The following PCDHGA2 variants were observed in gnomAD, a reference collection of about 807,000 sequenced individuals.
PCDHGA2 encodes protocadherin gamma-A2.
A neutral mutation model predicts 59.2 loss-of-function variants in PCDHGA2; 40 were observed. The observed-to-expected ratio is 0.68, with a 90% CI of 0.52 to 0.88. The LOEUF (loss-of-function observed/expected upper bound fraction) is 0.88. Among genes scored for constraint, PCDHGA2 ranks in the 40% least tolerant of loss-of-function variants. The pLI is 0.00. For synonymous variants in PCDHGA2, 560 were observed against 526.0 expected, an observed-to-expected ratio of 1.06 and a Z score of -0.89; for missense variants, 1,226 against 1,204.0, an observed-to-expected ratio of 1.02 and a Z score of -0.27.
intron 1 of PCDHGA2, chr5:141,390,281 G>A (rs995951705): frequency 1.9e-6 from 3 of 1,613,968 alleles, no homozygotes; most frequent in Middle Eastern, 1.6e-4. Context: ...CTTCCCATCA[G>A]GTGAGTTTCC....
In PCDHGA2 at chr5:141,490,506, C is replaced by T. The variant is rs967095367; in HGVS notation, c.2425-4301C>T. ...GGGAGGCCACATCCCACTATATCAT[C>T]GAGCTGCTGGCCAGCGATGCTGGTT... is the stretch of plus-strand genomic sequence containing the variant. On this transcript the variant is annotated intron_variant, in intron 1 of 3. Transcript: ENST00000394576. This position sits in a 1 kb window ranked among gnomAD's most constrained non-coding sequence, Gnocchi z 5.4. The T allele has an allele frequency of 1.2e-5, 19 of 1,614,116 alleles. No homozygotes were observed. The highest frequency in any genetic ancestry group is 2.2e-5 in the South Asian group (2 of 91,088).
At chr5:141,407,812 T>C (rs1191426791) in intron 1 of PCDHGA2, among the ~76,000 whole-genome samples, 1 of 152,226 alleles carries the variant, frequency 6.6e-6, no homozygotes, top group Non-Finnish European at 1.5e-5. Context: ...AAATATCTAC[T>C]ATAATATTAT....
Position 141,427,133 on chromosome 5 carries a change from A to AGAT in PCDHGA2, c.2425-67670_2425-67668dup, listed in dbSNP as rs370316028. 2.9e-4 allele frequency: 134 copies of AGAT among 457,190 alleles called. 1 individual carries two copies. The highest frequency in any genetic ancestry group is 2.4e-3 in the African/African-American group (123 of 50,216). The allele number at this position is 457,190 out of a possible 1,614,324, so 28.3% of individuals were successfully genotyped here. On this transcript the variant is annotated intron_variant, in intron 1 of 3. Transcript: ENST00000394576. ...TCACCTACTCTTTCAAATCCCTACG[A>AGAT]GATGATATTGGAAATATGTTTGTGC...
At chr5:141,361,680 C>A in intron 1 of PCDHGA2, 1 of 1,613,576 alleles carries the variant, frequency 6.2e-7, no homozygotes, top group Non-Finnish European at 8.5e-7. Context: ...GGGTGGTGTT[C>A]GCGCAGCGCG....
At chr5:141,410,705 A>G (rs1462423983) in intron 1 of PCDHGA2, 1 of 1,460,780 alleles carries the variant, frequency 6.8e-7, no homozygotes, top group Non-Finnish European at 9.1e-7. Context: ...TTTCATATCT[A>G]GAATCATATG....
chr5:141,400,789 C>G (rs1415192979), intron 1 of PCDHGA2: 1 of 561,844 alleles, frequency 1.8e-6, no homozygotes, highest in Non-Finnish European at 3.1e-6. Context: ...TTTTTGTCCT[C>G]TTTCTCAAAG....
intron 1 of PCDHGA2, chr5:141,362,158 C>T (rs767396512): frequency 7.4e-6 from 12 of 1,613,916 alleles, no homozygotes; most frequent in South Asian, 2.2e-5. Context: ...ATTGCCAGAC[C>T]TCAGCGACCG....
intron 1 of PCDHGA2, among the ~76,000 whole-genome samples, chr5:141,353,303 A>G (rs1759240913): frequency 6.6e-6 from 1 of 152,202 alleles, no homozygotes; most frequent in Non-Finnish European, 1.5e-5. Flanking sequence ...CTCTTTATAA[A>G]TGTATTTAGA....
chr5:141,440,693 C>T (rs2098194597), intron 1 of PCDHGA2: 1 of 152,136 alleles, frequency 6.6e-6, no homozygotes, highest in Non-Finnish European at 1.5e-5. Context: ...GTAAAAGTGA[C>T]CAACAGTGGA....
At chr5:141,353,592 A>G (rs748446778) in intron 1 of PCDHGA2, among the ~76,000 whole-genome samples, 1 of 152,200 alleles carries the variant, frequency 6.6e-6, no homozygotes, top group Non-Finnish European at 1.5e-5. Context: ...ATATTTCATA[A>G]TTTTCTTAAC....
chr5:141,460,909 G>GGT (rs548378036), intron 1 of PCDHGA2, among the ~76,000 whole-genome samples: 1,853 of 123,260 alleles, frequency 0.015, 18 homozygotes, highest in Non-Finnish European at 0.019. Context: ...AATATTCCAT[G>GGT]GTGTATATAT....
In PCDHGA2 at chr5:141,493,985, C is replaced by A. The variant is rs1444608753; in HGVS notation, c.2425-822C>A. On this transcript the variant is annotated intron_variant, in intron 1 of 3. Coordinates refer to ENST00000394576, the MANE Select transcript of PCDHGA2 (RefSeq NM_018915.4). This position sits in a 1 kb window ranked among gnomAD's most constrained non-coding sequence, Gnocchi z 4.3. ...GCTGGCCAGAGCCCCACACCTTCAGCTAGGTGGGAGATGGCTACACATCAG... is the reference window on the plus strand; with the variant it reads ...GCTGGCCAGAGCCCCACACCTTCAGATAGGTGGGAGATGGCTACACATCAG... Among the ~76,000 whole-genome samples the A allele has an allele frequency of 6.6e-6, 1 of 152,196 alleles. No individual in the cohort carries two copies. The highest frequency in any genetic ancestry group is 1.5e-5 in the Non-Finnish European group (1 of 68,032).
chr5:141,357,886 T>C lies in PCDHGA2; in HGVS notation c.2424+16491T>C, dbSNP rs144492107. 2.4e-4 allele frequency among the ~76,000 whole-genome samples: 37 copies of C among 152,312 alleles called. No individual in the cohort carries two copies. In the East Asian group the frequency reaches 5.6e-3, roughly 23 times the overall value. On this transcript the variant is annotated intron_variant, in intron 1 of 3. Coordinates refer to ENST00000394576, the MANE Select transcript of PCDHGA2 (RefSeq NM_018915.4). Reference sequence around the variant, plus strand: ...AATTTTACAACTCTGAGCCACCTCATTTCCTTAAATTTCCTTTTCTGTGCT... The same window carrying C: ...AATTTTACAACTCTGAGCCACCTCACTTCCTTAAATTTCCTTTTCTGTGCT...
At position 141,375,341 on chromosome 5, in the gene PCDHGA2, A is replaced by G; in HGVS notation, c.2424+33946A>G. ...CCGGGAAGAGGTATTCTTGTACAACATCACTGTGACAGCCACGGACAAAGG... is the reference window on the plus strand; with the variant it reads ...CCGGGAAGAGGTATTCTTGTACAACGTCACTGTGACAGCCACGGACAAAGG... On this transcript the variant is annotated intron_variant, in intron 1 of 3. Transcript: ENST00000394576. 3 of 1,613,856 alleles carry G rather than the reference A, an allele frequency of 1.9e-6. No homozygotes were observed. The highest frequency in any genetic ancestry group is 1.6e-4 in the Middle Eastern group (1 of 6,062).
chr5:141,423,132 C>T (rs375287728), intron 1 of PCDHGA2: 41 of 1,613,540 alleles, frequency 2.5e-5, no homozygotes, highest in Non-Finnish European at 3.3e-5. Flanking sequence ...CACTGCTGGA[C>T]AGAGACGCGC....
intron 1 of PCDHGA2, chr5:141,376,580 C>G (rs1351878933): frequency 1.3e-6 from 2 of 1,589,974 alleles, no homozygotes; most frequent in South Asian, 1.1e-5. Flanking sequence ...ACAGGCTCAT[C>G]AGCTAGATCG....
At chr5:141,384,184 A>T (rs1179495803) in intron 1 of PCDHGA2, 1 of 1,613,758 alleles carries the variant, frequency 6.2e-7, no homozygotes, top group Non-Finnish European at 8.5e-7. Flanking sequence ...AGATGGTGGA[A>T]CTCCTCCCTT....
intron 1 of PCDHGA2, chr5:141,393,074 G>A (rs775449711): frequency 3.7e-6 from 6 of 1,613,710 alleles, no homozygotes; most frequent in Non-Finnish European, 5.1e-6. Context: ...TGATCACCGC[G>A]GGCAGGATAG....
chr5:141,410,909 A>G lies in PCDHGA2; in HGVS notation c.2424+69514A>G, dbSNP rs183334545. Reference sequence around the variant, plus strand: ...CGCACTGTTGCCTAGGCTGGAGTGCAGTGGCGTGATCTCTGCTCACTGCAA... The same window carrying G: ...CGCACTGTTGCCTAGGCTGGAGTGCGGTGGCGTGATCTCTGCTCACTGCAA... On this transcript the variant is annotated intron_variant, in intron 1 of 3. Coordinates refer to ENST00000394576, the MANE Select transcript of PCDHGA2 (RefSeq NM_018915.4). 188 of 259,978 alleles carry G rather than the reference A, an allele frequency of 7.2e-4. 1 individual carries two copies. Among genetic ancestry groups the G allele is most frequent in the African/African-American group, 5.3e-3 (172 of 32,394 alleles). The allele number at this position is 259,978 out of a possible 1,614,324, so 16.1% of individuals were successfully genotyped here.
Sources: gnomAD v4.1 joint callset for allele counts (sites outside exome capture counted in the v4.1 genomes callset) on GRCh38, gnomAD v4.1.1 for gene constraint, Gnocchi (gnomAD v3.1) non-coding constraint, MANE v1.5 for transcripts, NCBI Gene and HGNC (gene_info 2026-07-23, HGNC 2026-07-21) for gene names.